The following KIAA1549L variants were observed in gnomAD, a reference collection of about 807,000 sequenced individuals.
KIAA1549L encodes the protein KIAA1549 like, also known as UPF0606 protein KIAA1549L.
Under a neutral mutation model 160.7 loss-of-function variants are expected in KIAA1549L, and 88 were observed. The ratio of observed to expected loss-of-function variants is 0.55; its 90% confidence interval spans 0.46 to 0.65. The LOEUF is 0.65. Among genes scored for constraint, KIAA1549L ranks in the 30% least tolerant of loss-of-function variants. KIAA1549L has a pLI of 0.00. For synonymous variants in KIAA1549L, 950 were observed against 976.7 expected, an observed-to-expected ratio of 0.97 and a Z score of 0.51; for missense variants, 2,258 against 2,437.5, an observed-to-expected ratio of 0.93 and a Z score of 1.55.
chr11:33,472,742 A>T (rs1565150799), intron 1 of KIAA1549L, among the ~76,000 whole-genome samples: 1 of 152,168 alleles, frequency 6.6e-6, no homozygotes, highest in African/African-American at 2.4e-5. Flanking sequence ...TTATCTTAAA[A>T]TTGTGCACAT....
At chr11:33,575,259 G>A (rs752898450) in intron 10 of KIAA1549L, among the ~76,000 whole-genome samples, 2 of 152,244 alleles carry the variant, frequency 1.3e-5, no homozygotes, top group Non-Finnish European at 2.9e-5. Flanking sequence ...GGAAGTGGGC[G>A]AGACCTGGCT....
intron 10 of KIAA1549L, among the ~76,000 whole-genome samples, chr11:33,577,561 C>T (rs1855493052): frequency 6.6e-6 from 1 of 152,036 alleles, no homozygotes; most frequent in Admixed American, 6.5e-5. Flanking sequence ...AAGTGGAGTA[C>T]GGGGGACACT....
At chr11:33,547,983 T>C (rs1854323007) in intron 4 of KIAA1549L, 104 bp downstream of exon 4, 1 of 722,296 alleles carries the variant, frequency 1.4e-6, no homozygotes, top group Non-Finnish European at 2.4e-6. Context: ...ATAACAACAC[T>C]GGCCAGAAGT....
chr11:33,430,208 TCTCCCTCCCTCCCTTCCTTTCATCCTTCC>T (rs1851209246), intron 1 of KIAA1549L, among the ~76,000 whole-genome samples: 1 of 115,404 alleles, frequency 8.7e-6, no homozygotes, highest in African/African-American at 3.3e-5. Flanking sequence ...TCCCTCCCTC[TCTCCCTCCCTCCCTTCCTTTCATCCTTCC>T]CTCCCTCCCT....
intron 1 of KIAA1549L, among the ~76,000 whole-genome samples, chr11:33,402,810 A>AC (rs773915021): frequency 1.4e-4 from 21 of 149,600 alleles, no homozygotes; most frequent in Non-Finnish European, 2.5e-4. Flanking sequence ...CACTCCTGCC[A>AC]CCCCCCCTAG....
chr11:33,427,343 C>T (rs1851138931), intron 1 of KIAA1549L, among the ~76,000 whole-genome samples: 1 of 152,060 alleles, frequency 6.6e-6, no homozygotes, highest in African/African-American at 2.4e-5. Context: ...CATCTCTGAT[C>T]CCTTTGTGGG....
chr11:33,580,607 A>AAAAG (rs1855607279), intron 10 of KIAA1549L, among the ~76,000 whole-genome samples: 11 of 133,370 alleles, frequency 8.2e-5, no homozygotes, highest in Admixed American at 5.8e-4. Context: ...GAAAAGAAAA[A>AAAAG]AAAAGCCACT....
At chr11:33,380,938 G>T (rs1199712922) in intron 1 of KIAA1549L, among the ~76,000 whole-genome samples, 1 of 151,884 alleles carries the variant, frequency 6.6e-6, no homozygotes, top group African/African-American at 2.4e-5. Flanking sequence ...CCTTTATTCA[G>T]TATGTTTTGA....
intron 16 of KIAA1549L, among the ~76,000 whole-genome samples, chr11:33,624,076 T>C (rs1461782270): frequency 6.6e-6 from 1 of 152,162 alleles, no homozygotes; most frequent in Non-Finnish European, 1.5e-5. Flanking sequence ...GAAGTAGATT[T>C]AGGCAGCTTT....
At chr11:33,602,263 A>G (rs1236661182) in intron 13 of KIAA1549L, among the ~76,000 whole-genome samples, 1 of 152,190 alleles carries the variant, frequency 6.6e-6, no homozygotes, top group East Asian at 1.9e-4. Context: ...AGGATGAATT[A>G]CTAATTTATT....
At chr11:33,526,446 G>C (rs893926370) in intron 1 of KIAA1549L, among the ~76,000 whole-genome samples, 2 of 152,164 alleles carry the variant, frequency 1.3e-5, no homozygotes, top group Non-Finnish European at 2.9e-5. Flanking sequence ...CTTTACCAGA[G>C]CAGGTACTGG....
At chr11:33,516,828 G>A (rs1275769500) in intron 1 of KIAA1549L, among the ~76,000 whole-genome samples, 1 of 152,148 alleles carries the variant, frequency 6.6e-6, no homozygotes, top group Non-Finnish European at 1.5e-5. Context: ...GAATTAGACT[G>A]GCTCACTTTG....
chr11:33,389,705 A>G lies in KIAA1549L; in HGVS notation c.238+12816A>G, dbSNP rs1036742511. 1.1e-4 allele frequency among the ~76,000 whole-genome samples: 17 copies of G among 152,204 alleles called. 1 individual carries two copies. Among genetic ancestry groups the G allele is most frequent in the African/African-American group, 3.4e-4 (14 of 41,458 alleles). ...CAAGTGTTTTCCATTCTTGTGACCA[A>G]TGTAATATCTTTTCTTTTCCCTGCA... is the stretch of plus-strand genomic sequence containing the variant. On this transcript the variant is annotated intron_variant, in intron 1 of 20. Transcript: ENST00000658780.
chr11:33,432,055 C>T (rs1851258997), intron 1 of KIAA1549L, among the ~76,000 whole-genome samples: 1 of 152,220 alleles, frequency 6.6e-6, no homozygotes, highest in Admixed American at 6.5e-5. Context: ...GCCTGCCAAG[C>T]CCACGCCCAC....
intron 13 of KIAA1549L, among the ~76,000 whole-genome samples, chr11:33,606,207 T>C (rs1015227701): frequency 2.6e-5 from 4 of 152,208 alleles, no homozygotes; most frequent in Admixed American, 2.6e-4. Flanking sequence ...CTTGTAAAGA[T>C]TGGTAGCATT....
intron 6 of KIAA1549L, among the ~76,000 whole-genome samples, chr11:33,555,937 T>G (rs1388453404): frequency 6.6e-6 from 1 of 152,118 alleles, no homozygotes; most frequent in East Asian, 1.9e-4. Context: ...TCAGAATATA[T>G]AGAGAATATA....
At chr11:33,622,201 A>T (rs539137588) in intron 16 of KIAA1549L, among the ~76,000 whole-genome samples, 4 of 152,326 alleles carry the variant, frequency 2.6e-5, no homozygotes, top group East Asian at 3.9e-4. Context: ...AGTACATGTA[A>T]ATCTATAAAA....
intron 15 of KIAA1549L, among the ~76,000 whole-genome samples, chr11:33,613,821 C>T (rs1370757744): frequency 6.6e-6 from 1 of 152,176 alleles, no homozygotes; most frequent in Non-Finnish European, 1.5e-5. Flanking sequence ...TGACTCATCA[C>T]TAAATCTTTT....
chr11:33,577,685 G>A (rs1855498991), intron 10 of KIAA1549L, among the ~76,000 whole-genome samples: 1 of 152,164 alleles, frequency 6.6e-6, no homozygotes, highest in Non-Finnish European at 1.5e-5. Context: ...GCTGGGGTGT[G>A]TGGTAATACA....
Sources: allele counts gnomAD v4.1 joint callset (sites outside exome capture counted in the v4.1 genomes callset), GRCh38; gene constraint gnomAD v4.1.1; transcripts MANE v1.5; gene names NCBI Gene and HGNC (gene_info 2026-07-23, HGNC 2026-07-21).